RTN4: variants seen among roughly 807,000 people sequenced by gnomAD.
RTN4 encodes reticulon 4.
Under a neutral mutation model 90.4 loss-of-function variants are expected in RTN4, and 32 were observed. That is an observed-to-expected ratio of 0.35 (90% CI 0.27 to 0.48). The LOEUF (loss-of-function observed/expected upper bound fraction) is 0.48, where lower values mean the gene tolerates loss of function less well. Ranked by LOEUF, RTN4 falls within the 20% of genes least tolerant of loss-of-function variation. The pLI is 0.99. For synonymous variants in RTN4, 629 were observed against 552.5 expected (o/e 1.14, Z -1.94); for missense variants, 1,706 against 1,430.2 (o/e 1.19, Z -3.11).
At chr2:55,096,066 C>T (rs1669027396) in intron 1 of RTN4, among the ~76,000 whole-genome samples, 2 of 152,152 alleles carry the variant, frequency 1.3e-5, no homozygotes, top group African/African-American at 2.4e-5. Flanking sequence ...TGGTGGCTCA[C>T]GCCTGTTCCT....
chr2:55,070,301 G>A (rs1268959714), intron 2 of RTN4, among the ~76,000 whole-genome samples: 4 of 151,892 alleles, frequency 2.6e-5, no homozygotes, highest in Admixed American at 6.6e-5. Flanking sequence ...GCTCGCACCT[G>A]TAATTCCAGC....
chr2:55,002,427 C>T (rs764701051), intron 3 of RTN4, among the ~76,000 whole-genome samples: 2 of 152,166 alleles, frequency 1.3e-5, no homozygotes, highest in Non-Finnish European at 2.9e-5. Context: ...TAAAAACTAC[C>T]TATGGCTGTT....
intron 2 of RTN4, among the ~76,000 whole-genome samples, chr2:55,056,822 T>A (rs1392650959): frequency 6.6e-6 from 1 of 152,204 alleles, no homozygotes; most frequent in Non-Finnish European, 1.5e-5. Context: ...CTCTGTTTAT[T>A]AAAGCAGAGT....
At chr2:55,085,321 A>C (rs1489023538) in intron 1 of RTN4, among the ~76,000 whole-genome samples, 3 of 142,128 alleles carry the variant, frequency 2.1e-5, no homozygotes, top group African/African-American at 7.4e-5. Flanking sequence ...ACACCCACAC[A>C]CACACACATA....
chr2:55,100,444 T>A (rs1190280833), intron 1 of RTN4, among the ~76,000 whole-genome samples: 4 of 152,162 alleles, frequency 2.6e-5, no homozygotes, highest in African/African-American at 9.7e-5. Context: ...TATGAAATCT[T>A]GATCTATTCA....
chr2:55,102,890 G>A (rs1573518631), intron 1 of RTN4, among the ~76,000 whole-genome samples: 1 of 152,074 alleles, frequency 6.6e-6, no homozygotes, highest in East Asian at 1.9e-4. Context: ...AGGCTGAGGC[G>A]GGCGGATCAC....
At chr2:55,109,857 A>C (rs926608086) in intron 1 of RTN4, among the ~76,000 whole-genome samples, 2 of 152,218 alleles carry the variant, frequency 1.3e-5, no homozygotes, top group African/African-American at 4.8e-5. Flanking sequence ...CTGAGGGAGC[A>C]CCCTAAAACA....
intron 1 of RTN4, among the ~76,000 whole-genome samples, chr2:55,038,779 T>C (rs1682864552): frequency 6.6e-6 from 1 of 152,188 alleles, no homozygotes; most frequent in Non-Finnish European, 1.5e-5. Context: ...GAAATGAAAA[T>C]ATATGCATAC....
At chr2:55,015,415 C>A (rs1430836706) in intron 3 of RTN4, among the ~76,000 whole-genome samples, 4 of 149,686 alleles carry the variant, frequency 2.7e-5, no homozygotes, top group South Asian at 2.1e-4. Flanking sequence ...TTTGTGAAAA[C>A]TGAAAATGTC....
chr2:55,050,252 G>A lies in RTN4; in HGVS notation c.49C>T (p.Pro17Ser), dbSNP rs1274632730. Residue 17 changes from proline (P) to serine (S), a missense_variant, in exon 1 of 9, where the codon CCC becomes TCC. Pro to Ser is a moderately conservative substitution (Grantham distance 74, BLOSUM62 -1). Transcript: ENST00000337526. The surrounding 1 kb of genome is among the most constrained non-coding windows in gnomAD (Gnocchi z 4.6). Reference protein sequence around the residue: ...SPLVSSSDSPPRPQPAFKYQF... With the variant: ...SPLVSSSDSPSRPQPAFKYQF... ...TACTTGAACGCGGGCTGCGGCCGGG[G>A]TGGGCTGTCCGAGGACGAGACCAGA... 32 of 1,538,704 alleles carry A rather than the reference G, an allele frequency of 2.1e-5. No individual in the cohort carries two copies. The highest frequency in any genetic ancestry group is 2.6e-5 in the Non-Finnish European group (30 of 1,143,914).
At chr2:55,100,315 AT>A (rs1405814660) in intron 1 of RTN4, among the ~76,000 whole-genome samples, 1 of 152,078 alleles carries the variant, frequency 6.6e-6, no homozygotes, top group Non-Finnish European at 1.5e-5. Context: ...ACAGGGAGCT[AT>A]TGGGGTGGCA....
chr2:54,984,331 A>G (rs1364142613), intron 4 of RTN4, among the ~76,000 whole-genome samples: 1 of 152,250 alleles, frequency 6.6e-6, no homozygotes, highest in African/African-American at 2.4e-5. Flanking sequence ...CCAGGAATGT[A>G]TCTTTACTAA....
chr2:54,985,333 A>AT (rs1678474366), intron 4 of RTN4, among the ~76,000 whole-genome samples: 3 of 151,548 alleles, frequency 2.0e-5, no homozygotes, highest in Admixed American at 6.6e-5. Context: ...CTAATTTTTA[A>AT]TTTTTTGTAG....
At chr2:55,017,470 A>C (rs1025032398) in intron 3 of RTN4, among the ~76,000 whole-genome samples, 16 of 152,206 alleles carry the variant, frequency 1.1e-4, no homozygotes, top group African/African-American at 3.9e-4. Context: ...TACATAGTTT[A>C]ATTATAATGA....
the RTN4 span, among the ~76,000 whole-genome samples, chr2:55,119,181 G>A: frequency 1.3e-5 from 2 of 152,162 alleles, no homozygotes; most frequent in African/African-American, 2.4e-5. Flanking sequence ...CCCTAAAAGC[G>A]CCCTGACCTA....
chr2:55,001,439 G>A (rs144635727), intron 3 of RTN4, among the ~76,000 whole-genome samples: 86 of 152,274 alleles, frequency 5.6e-4, no homozygotes, highest in African/African-American at 1.9e-3. Context: ...TTGTTAAATG[G>A]TCCCTGCAGT....
chr2:54,988,260 T>C (rs2104678239), intron 3 of RTN4, among the ~76,000 whole-genome samples: 2 of 152,306 alleles, frequency 1.3e-5, no homozygotes, highest in East Asian at 3.9e-4. Flanking sequence ...GAGGTTGCAG[T>C]GAGCCGAGAC....
At chr2:55,064,753 G>C (rs1668361334) in intron 2 of RTN4, among the ~76,000 whole-genome samples, 1 of 152,134 alleles carries the variant, frequency 6.6e-6, no homozygotes, top group Admixed American at 6.5e-5. Flanking sequence ...TCATGAGTGA[G>C]AAATAGAGTT....
At chr2:54,981,589 T>C (rs1412077912) in intron 5 of RTN4, among the ~76,000 whole-genome samples, 1 of 152,220 alleles carries the variant, frequency 6.6e-6, no homozygotes, top group Non-Finnish European at 1.5e-5. Flanking sequence ...GGTCCAGTGC[T>C]TCAGGCTTAA....
Sources: allele counts gnomAD v4.1 joint callset (sites outside exome capture counted in the v4.1 genomes callset), GRCh38; gene constraint gnomAD v4.1.1; non-coding constraint Gnocchi (gnomAD v3.1); transcripts MANE v1.5; gene names NCBI Gene and HGNC (gene_info 2026-07-23, HGNC 2026-07-21).